The following AHI1 variants were observed in gnomAD, a reference collection of about 807,000 sequenced individuals.
AHI1 encodes jouberin.
Under a neutral mutation model 149.3 loss-of-function variants are expected in AHI1, and 123 were observed. The ratio of observed to expected loss-of-function variants is 0.82; its 90% CI spans 0.71 to 0.96. AHI1 has a LOEUF of 0.96. Among genes scored for constraint, AHI1 ranks in the 40% least tolerant of loss-of-function variants. The probability of loss-of-function intolerance (pLI) is 0.00; values close to 1 mark genes in which losing one functional copy is unlikely to be tolerated. For missense variants in AHI1, 1,439 were observed against 1,422.7 expected (o/e 1.01, Z -0.18); for synonymous variants, 475 against 459.8 (o/e 1.03, Z -0.42).
chr6:135,318,655 G>A (rs760322271), intron 25 of AHI1, 39 bp from the exon 26 acceptor site: 7 of 1,375,280 alleles, frequency 5.1e-6, no homozygotes, highest in Non-Finnish European at 6.1e-6. Context: ...TCAAATTGAG[G>A]AGCACTGCTC....
chr6:135,479,605 A>C (rs1793275484), intron 5 of AHI1, among the ~76,000 whole-genome samples: 1 of 152,130 alleles, frequency 6.6e-6, no homozygotes, highest in African/African-American at 2.4e-5. Flanking sequence ...TTACAGGCTC[A>C]TAGATGGAAG....
intron 18 of AHI1, 106 bp downstream of exon 18, chr6:135,429,776 G>A: frequency 3.1e-6 from 2 of 636,396 alleles, no homozygotes; most frequent in East Asian, 3.0e-5. Context: ...CTTGGTGAGT[G>A]TGGGGACACT....
intron 23 of AHI1, among the ~76,000 whole-genome samples, chr6:135,371,793 A>AAT (rs1449003670): frequency 6.6e-6 from 1 of 152,208 alleles, no homozygotes. Context: ...TCTCAGTGCC[A>AAT]ATATGTCAAG....
Position 135,394,844 on chromosome 6 carries a change from G to A in AHI1, c.3041C>T (p.Ser1014Phe). Residue 1014 changes from serine (S) to phenylalanine (F), a missense_variant, in exon 23 of 29, where the codon TCT becomes TTT. Coordinates refer to ENST00000265602, the MANE Select transcript of AHI1 (RefSeq NM_001134831.2). ...TSPPAVSSQQSKLKQSNMLTA... is the reference protein window; with the variant it reads ...TSPPAVSSQQFKLKQSNMLTA... ...CAGCATGTTTGACTGCTTTAACTTA[G>A]ACTGTTGTGAGGAAACTGCTGGTGG... is the stretch of plus-strand genomic sequence containing the variant. 6.2e-7 allele frequency: 1 copy of A among 1,606,486 alleles called. No individual in the cohort carries two copies. Among genetic ancestry groups the A allele is most frequent in the Non-Finnish European group, 8.5e-7 (1 of 1,175,962 alleles).
At chr6:135,448,823 T>C (rs1260623301) in intron 11 of AHI1, among the ~76,000 whole-genome samples, 4 of 152,242 alleles carry the variant, frequency 2.6e-5, no homozygotes, top group African/African-American at 7.2e-5. Context: ...AAGACTAAAC[T>C]GTATATTTAC....
intron 21 of AHI1, among the ~76,000 whole-genome samples, chr6:135,405,721 G>A (rs541390714): frequency 2.6e-5 from 4 of 151,898 alleles, no homozygotes; most frequent in African/African-American, 7.2e-5. Flanking sequence ...TCAGCTAGGC[G>A]TTGTGGCGCG....
rs1793304574 is a variant in AHI1 at position 135,358,275 on chromosome 6, T to C, written c.3110-88A>G. On this transcript the variant is annotated intron_variant, in intron 23 of 28. Transcript: ENST00000265602. ...TTCATGCCATTTTATTGGAAAAACA[T>C]TTATTATGACTCACACAGCTTCCAA... is the stretch of plus-strand genomic sequence containing the variant. The C allele has an allele frequency of 2.6e-6, 3 of 1,158,874 alleles. No individual in the cohort carries two copies. In the South Asian group the frequency reaches 3.9e-5, roughly 15 times the overall value. 71.8% of individuals were successfully genotyped at this position (1,158,874 alleles called of 1,614,324 possible).
rs138745015 is a variant in AHI1 at position 135,414,616 on chromosome 6, T to C, written c.2765-3072A>G. 1.6e-4 allele frequency among the ~76,000 whole-genome samples: 24 copies of C among 151,832 alleles called. No individual in the cohort carries two copies. The East Asian group carries it at 4.6e-3, about 29-fold the overall frequency. ...AAAACAAATAGGACAATTTAAAAAA[T>C]GGAGAAAAGATTTGAAAAGACAATT... On this transcript the variant is annotated intron_variant, in intron 20 of 28. Coordinates refer to ENST00000265602, the MANE Select transcript of AHI1 (RefSeq NM_001134831.2).
At chr6:135,324,198 T>C (rs536418566) in intron 24 of AHI1, among the ~76,000 whole-genome samples, 1 of 152,236 alleles carries the variant, frequency 6.6e-6, no homozygotes, top group South Asian at 2.1e-4. Flanking sequence ...TGTGGTAGTG[T>C]GTGCCTGCAG....
chr6:135,338,890 G>T (rs1309183507), intron 24 of AHI1, among the ~76,000 whole-genome samples: 4 of 151,372 alleles, frequency 2.6e-5, no homozygotes, highest in African/African-American at 9.7e-5. Context: ...CTGTGTAGCA[G>T]CTCCCTGAAA....
intron 23 of AHI1, among the ~76,000 whole-genome samples, chr6:135,390,264 A>C (rs1419884290): frequency 1.3e-5 from 2 of 152,182 alleles, no homozygotes; most frequent in Non-Finnish European, 2.9e-5. Flanking sequence ...CTGGAAACCA[A>C]GCCTTAAAAA....
chr6:135,442,727 C>T lies in AHI1; in HGVS notation c.1780-13G>A, dbSNP rs768978176. Reference sequence around the variant, plus strand: ...GGATACGGCAAGCCTAAAAAACATACGTTTAAAAAATATAAATTAGCAAAC... The same window carrying T: ...GGATACGGCAAGCCTAAAAAACATATGTTTAAAAAATATAAATTAGCAAAC... On this transcript the variant is annotated splice_polypyrimidine_tract_variant and intron_variant, in intron 13 of 28. Coordinates refer to ENST00000265602, the MANE Select transcript of AHI1 (RefSeq NM_001134831.2). The T allele has an allele frequency of 4.4e-6, 7 of 1,589,638 alleles. No individual in the cohort carries two copies. The highest frequency in any genetic ancestry group is 5.1e-6 in the Non-Finnish European group (6 of 1,169,380).
chr6:135,425,962 C>T (rs1226860793), intron 20 of AHI1, among the ~76,000 whole-genome samples: 9 of 151,772 alleles, frequency 5.9e-5, no homozygotes, highest in African/African-American at 1.9e-4. Flanking sequence ...ACTGTAAAAC[C>T]TCTTAAGAGT....
chr6:135,328,625 G>A (rs1051851830), intron 24 of AHI1, among the ~76,000 whole-genome samples: 1 of 152,092 alleles, frequency 6.6e-6, no homozygotes, highest in South Asian at 2.1e-4. Context: ...CCTATTCCCT[G>A]AGATATAATG....
At chr6:135,399,254 T>G (rs1465176541) in intron 22 of AHI1, among the ~76,000 whole-genome samples, 1 of 152,170 alleles carries the variant, frequency 6.6e-6, no homozygotes, top group African/African-American at 2.4e-5. Context: ...CCCTTCTATT[T>G]TAGTACAAAA....
At chr6:135,491,279 A>G (rs900383415) in intron 4 of AHI1, among the ~76,000 whole-genome samples, 1 of 152,220 alleles carries the variant, frequency 6.6e-6, no homozygotes. Flanking sequence ...TATGCCCTAC[A>G]GGGCTCCATA....
intron 24 of AHI1, among the ~76,000 whole-genome samples, chr6:135,338,074 G>A (rs1173918899): frequency 6.6e-6 from 1 of 152,006 alleles, no homozygotes; most frequent in African/African-American, 2.4e-5. Context: ...GAGGTGGGTG[G>A]ATCACCTGAG....
chr6:135,413,886 T>C (rs1346482453), intron 20 of AHI1, among the ~76,000 whole-genome samples: 4 of 152,276 alleles, frequency 2.6e-5, no homozygotes, highest in African/African-American at 7.2e-5. Flanking sequence ...GTTCATGGGG[T>C]GGCATACTCA....
At chr6:135,370,267 CTAT>C (rs1258430638) in intron 23 of AHI1, among the ~76,000 whole-genome samples, 2 of 152,108 alleles carry the variant, frequency 1.3e-5, no homozygotes, top group African/African-American at 4.8e-5. Context: ...TTCAATACAC[CTAT>C]TATAACTCTC....
Sources: gnomAD v4.1 joint callset for allele counts (sites outside exome capture counted in the v4.1 genomes callset) on GRCh38, gnomAD v4.1.1 for gene constraint, MANE v1.5 for transcripts, NCBI Gene and HGNC (gene_info 2026-07-23, HGNC 2026-07-21) for gene names.